PCDHGA6: variants seen among roughly 807,000 people sequenced by gnomAD.
The protein encoded by PCDHGA6 is protocadherin gamma-A6.
In PCDHGA6, 41 loss-of-function variants were observed where a neutral mutation model predicts 60.6. The ratio of observed to expected loss-of-function variants is 0.68; its 90% CI spans 0.53 to 0.88. The LOEUF is 0.88. Among genes scored for constraint, PCDHGA6 ranks in the 40% least tolerant of loss-of-function variants. The probability of loss-of-function intolerance (pLI) is 0.00; values close to 1 mark genes in which losing one functional copy is unlikely to be tolerated. For synonymous variants in PCDHGA6, 594 were observed against 524.4 expected (o/e 1.13, Z -1.81); for missense variants, 1,312 against 1,203.0 (o/e 1.09, Z -1.34).
chr5:141,421,864 C>T (rs1561797174), intron 1 of PCDHGA6: 2 of 1,613,766 alleles, frequency 1.2e-6, no homozygotes, highest in Non-Finnish European at 1.7e-6. Context: ...CCTGCTCCTC[C>T]TCACAGCTTT....
chr5:141,383,238 A>G (rs1381388622), intron 1 of PCDHGA6: 1 of 1,613,848 alleles, frequency 6.2e-7, no homozygotes, highest in Non-Finnish European at 8.5e-7. Flanking sequence ...TGGAAGATAA[A>G]ATGAATCTTT....
chr5:141,426,817 C>G (rs942714141), intron 1 of PCDHGA6: 4 of 456,594 alleles, frequency 8.8e-6, no homozygotes, highest in Non-Finnish European at 1.8e-5. Flanking sequence ...GAACATTTCT[C>G]TCTGATGATG....
At position 141,431,110 on chromosome 5, in the gene PCDHGA6, T is replaced by G; in HGVS notation, c.2424+54603T>G. 1.2e-6 allele frequency: 2 copies of G among 1,614,168 alleles called. No individual in the cohort carries two copies. The highest frequency in any genetic ancestry group is 1.7e-6 in the Non-Finnish European group (2 of 1,180,012). On this transcript the variant is annotated intron_variant, in intron 1 of 3. Transcript: ENST00000517434. This position sits in a 1 kb window ranked among gnomAD's most constrained non-coding sequence, Gnocchi z 4.8. Reference sequence around the variant, plus strand: ...TGATGGAGGATAAAGTGAAAATATATGGAGTAGAAGTAGAAGTAAGGGACA... The same window carrying G: ...TGATGGAGGATAAAGTGAAAATATAGGGAGTAGAAGTAGAAGTAAGGGACA...
rs1770300892 is a variant in PCDHGA6 at position 141,374,238 on chromosome 5, T to C, written c.155T>C (p.Leu52Pro). The C allele has an allele frequency of 1.2e-6, 2 of 1,614,016 alleles. No individual in the cohort carries two copies. The highest frequency in any genetic ancestry group is 1.3e-5 in the African/African-American group (1 of 75,070). ...TTCGTAGGCAACATCGTCAAGGATC[T>C]GGGACTGGAGCCCCAGGAGTTGGCG... ...GSFVGNIVKD[L>P]GLEPQELAEH... The change falls in exon 1 of 4, where the codon CTG becomes CCG. Residue 52 changes from leucine to proline, a missense_variant. Coordinates refer to ENST00000517434, the MANE Select transcript of PCDHGA6 (RefSeq NM_018919.3).
At chr5:141,474,965 A>T (rs1268347441) in intron 1 of PCDHGA6, among the ~76,000 whole-genome samples, 1 of 152,236 alleles carries the variant, frequency 6.6e-6, no homozygotes, top group Non-Finnish European at 1.5e-5. Context: ...TATCCTAATC[A>T]TTATAATTTT....
chr5:141,487,356 C>T lies in PCDHGA6; in HGVS notation c.2425-7451C>T. 6.2e-7 allele frequency: 1 copy of T among 1,614,220 alleles called. No individual in the cohort carries two copies. The highest frequency in any genetic ancestry group is 8.5e-7 in the Non-Finnish European group (1 of 1,180,042). ...GCCTGTGGAGTCACATGCTTTCCTG[C>T]TGGCACCTGTGCCTGTCTCACCAGA... On this transcript the variant is annotated intron_variant, in intron 1 of 3. Transcript: ENST00000517434. This position sits in a 1 kb window ranked among gnomAD's most constrained non-coding sequence, Gnocchi z 5.0.
chr5:141,490,030 C>G lies in PCDHGA6; in HGVS notation c.2425-4777C>G, dbSNP rs1361758608. The G allele has an allele frequency of 1.2e-6, 2 of 1,614,150 alleles. No individual in the cohort carries two copies. Among genetic ancestry groups the G allele is most frequent in the African/African-American group, 2.7e-5 (2 of 74,936 alleles). The stretch of plus-strand genomic sequence containing the variant: ...ACCCATTGGTACTCTGCTGCTCCGC[C>G]TCAATGCCACTGATCCAGACGAGGG... On this transcript the variant is annotated intron_variant, in intron 1 of 3. Coordinates refer to ENST00000517434, the MANE Select transcript of PCDHGA6 (RefSeq NM_018919.3). This position sits in a 1 kb window ranked among gnomAD's most constrained non-coding sequence, Gnocchi z 5.4.
Position 141,489,147 on chromosome 5 carries a change from A to G in PCDHGA6, c.2425-5660A>G. On this transcript the variant is annotated intron_variant, in intron 1 of 3. Coordinates refer to ENST00000517434, the MANE Select transcript of PCDHGA6 (RefSeq NM_018919.3). The surrounding 1 kb of genome is among the most constrained non-coding windows in gnomAD (Gnocchi z 4.5). ...GCAGTTTTTAAGAGGCTGGAAGGAG[A>G]CATAAGAGACTTCAGCTGCTGCATT... The G allele has an allele frequency of 1.2e-6, 1 of 802,676 alleles. No homozygotes were observed. Among genetic ancestry groups the G allele is most frequent in the Non-Finnish European group, 1.9e-6 (1 of 528,868 alleles). 49.7% of individuals were successfully genotyped at this position (802,676 alleles called of 1,614,324 possible). A position where few individuals can be genotyped will look rare whatever the true frequency, so the allele number is the denominator to read the frequency against.
intron 1 of PCDHGA6, chr5:141,423,815 C>G (rs1002418139): frequency 7.9e-7 from 1 of 1,271,358 alleles, no homozygotes; most frequent in African/African-American, 1.6e-5. Context: ...GTGAGTTTTA[C>G]TTTGCCTTTC....
At chr5:141,421,000 A>G (rs2096537102) in intron 1 of PCDHGA6, 1 of 507,878 alleles carries the variant, frequency 2.0e-6, no homozygotes, top group East Asian at 3.3e-5. Flanking sequence ...CTGCTCACCA[A>G]TCAGGGAATG....
intron 1 of PCDHGA6, chr5:141,417,858 C>A (rs561149517): frequency 1.3e-6 from 2 of 1,547,240 alleles, no homozygotes; most frequent in African/African-American, 1.4e-5. Context: ...CCCGAGCGAA[C>A]GATGGGAGGG....
chr5:141,465,056 G>A (rs908104635), intron 1 of PCDHGA6, among the ~76,000 whole-genome samples: 9 of 151,044 alleles, frequency 6.0e-5, no homozygotes, highest in Non-Finnish European at 1.3e-4. Context: ...ATATTTTTTT[G>A]AATTGTCTGT....
In PCDHGA6 at chr5:141,489,087, T is replaced by A. The variant is rs2099682381; in HGVS notation, c.2425-5720T>A. ...CCCCCTGCCCACCCCCGCCACTCGG[T>A]GACTAAGAACTGCTGCAAGCAGGCA... is the stretch of plus-strand genomic sequence containing the variant. On this transcript the variant is annotated intron_variant, in intron 1 of 3. Coordinates refer to ENST00000517434, the MANE Select transcript of PCDHGA6 (RefSeq NM_018919.3). This position sits in a 1 kb window ranked among gnomAD's most constrained non-coding sequence, Gnocchi z 4.5. The A allele has an allele frequency of 4.6e-6, 1 of 216,106 alleles. No individual in the cohort carries two copies. Among genetic ancestry groups the A allele is most frequent in the Non-Finnish European group, 8.4e-6 (1 of 118,734 alleles). 13.4% of individuals were successfully genotyped at this position (216,106 alleles called of 1,614,324 possible). A position where few individuals can be genotyped will look rare whatever the true frequency, so the allele number is the denominator to read the frequency against.
At chr5:141,475,895 C>A (rs2099379056) in intron 1 of PCDHGA6, 1 of 568,558 alleles carries the variant, frequency 1.8e-6, no homozygotes, top group African/African-American at 1.9e-5. Context: ...ACTCTGTGTG[C>A]CGCTGTCGGC....
In PCDHGA6 at chr5:141,376,421, A is replaced by C. The variant is rs765897100; in HGVS notation, c.2338A>C (p.Ile780Leu). 6.2e-7 allele frequency: 1 copy of C among 1,614,248 alleles called. No individual in the cohort carries two copies. The highest frequency in any genetic ancestry group is 8.5e-7 in the Non-Finnish European group (1 of 1,180,046). Residue 780 changes from isoleucine (I) to leucine (L), a missense_variant, in exon 1 of 4, where the codon ATC becomes CTC. Coordinates refer to ENST00000517434, the MANE Select transcript of PCDHGA6 (RefSeq NM_018919.3). ...FPQPNYADTL[I>L]NQESYEKSEP... ...CCAGCCCAACTATGCCGACACGCTT[A>C]TCAACCAGGAGAGCTATGAGAAAAG...
chr5:141,475,928 G>A, intron 1 of PCDHGA6: 1 of 630,590 alleles, frequency 1.6e-6, no homozygotes, highest in Non-Finnish European at 2.7e-6. Context: ...TGGAGATCGG[G>A]CCCCTGCCCG....
At chr5:141,472,172 T>A (rs548514406) in intron 1 of PCDHGA6, among the ~76,000 whole-genome samples, 11 of 152,326 alleles carry the variant, frequency 7.2e-5, no homozygotes, top group African/African-American at 2.6e-4. Context: ...AGGTGTAATA[T>A]CCAGTATTGG....
At chr5:141,471,444 A>G (rs1366430114) in intron 1 of PCDHGA6, 1 of 152,150 alleles carries the variant, frequency 6.6e-6, no homozygotes, top group Non-Finnish European at 1.5e-5. Context: ...AATCTCATGT[A>G]CCTTTTGAAA....
chr5:141,474,291 AGT>A (rs1191263215), intron 1 of PCDHGA6, among the ~76,000 whole-genome samples: 1 of 152,210 alleles, frequency 6.6e-6, no homozygotes, highest in Admixed American at 6.5e-5. Flanking sequence ...CCACTAGATC[AGT>A]GCTTGTCAAA....
Sources: gnomAD v4.1 joint callset for allele counts (sites outside exome capture counted in the v4.1 genomes callset) on GRCh38, gnomAD v4.1.1 for gene constraint, Gnocchi (gnomAD v3.1) non-coding constraint, MANE v1.5 for transcripts, NCBI Gene and HGNC (gene_info 2026-07-23, HGNC 2026-07-21) for gene names.